NSMCE2: variants seen among roughly 807,000 people sequenced by gnomAD.
NSMCE2 encodes the protein E3 SUMO-protein ligase NSE2.
NSMCE2 carries 24 observed loss-of-function variants against 23.8 expected under a neutral mutation model. That is an observed-to-expected ratio of 1.01 (90% CI 0.73 to 1.42). The LOEUF (loss-of-function observed/expected upper bound fraction) is 1.42. Among genes scored for constraint, NSMCE2 ranks in the 40% most tolerant of loss-of-function variants. NSMCE2 has a pLI of 0.00. For synonymous variants in NSMCE2, 92 were observed against 94.1 expected, an observed-to-expected ratio of 0.98 and a Z score of 0.13; for missense variants, 284 against 296.5, an observed-to-expected ratio of 0.96 and a Z score of 0.31.
intron 5 of NSMCE2, among the ~76,000 whole-genome samples, chr8:125,312,640 C>T (rs1224752324): frequency 1.2e-4 from 18 of 152,074 alleles, no homozygotes; most frequent in Non-Finnish European, 2.1e-4. Flanking sequence ...AGTAAATAAA[C>T]AAATAAATAA....
chr8:125,107,744 T>C (rs1414102265), intron 3 of NSMCE2, among the ~76,000 whole-genome samples: 1 of 152,090 alleles, frequency 6.6e-6, no homozygotes, highest in East Asian at 1.9e-4. Context: ...AAAATTATGA[T>C]GTAAATAAGC....
At chr8:125,321,377 G>A (rs948459709) in intron 5 of NSMCE2, among the ~76,000 whole-genome samples, 5 of 152,154 alleles carry the variant, frequency 3.3e-5, no homozygotes, top group African/African-American at 1.2e-4. Flanking sequence ...AGGCTAGCAG[G>A]GAGAAATGGA....
At chr8:125,361,424 A>G (rs1813549479) in intron 7 of NSMCE2, among the ~76,000 whole-genome samples, 1 of 152,186 alleles carries the variant, frequency 6.6e-6, no homozygotes. Flanking sequence ...TAAAAGTCAT[A>G]TTTAAGAGCA....
At chr8:125,260,189 T>C (rs1417538752) in intron 5 of NSMCE2, among the ~76,000 whole-genome samples, 1 of 152,210 alleles carries the variant, frequency 6.6e-6, no homozygotes, top group Non-Finnish European at 1.5e-5. Context: ...TGGGAGGACA[T>C]ATCTCTGATG....
intron 1 of NSMCE2, among the ~76,000 whole-genome samples, chr8:125,093,971 T>G (rs1316674475): frequency 7.3e-6 from 1 of 137,564 alleles, no homozygotes; most frequent in Non-Finnish European, 1.6e-5. Flanking sequence ...TAAGTTTAAA[T>G]TTTTTTTTTT....
At chr8:125,253,387 G>A (rs900293656) in intron 5 of NSMCE2, among the ~76,000 whole-genome samples, 5 of 152,216 alleles carry the variant, frequency 3.3e-5, no homozygotes, top group Admixed American at 1.3e-4. Flanking sequence ...CTTTCTTTTC[G>A]CCCTGAGCAA....
At chr8:125,123,963 A>C (rs1819390193) in intron 3 of NSMCE2, among the ~76,000 whole-genome samples, 1 of 152,156 alleles carries the variant, frequency 6.6e-6, no homozygotes, top group Non-Finnish European at 1.5e-5. Context: ...ATATTCAGAG[A>C]TATATAACCA....
chr8:125,116,629 T>TAA (rs1819017506), intron 3 of NSMCE2, among the ~76,000 whole-genome samples: 1 of 152,142 alleles, frequency 6.6e-6, no homozygotes, highest in Non-Finnish European at 1.5e-5. Context: ...AAGGACAAAA[T>TAA]AAAAACTAAT....
At chr8:125,257,307 A>T (rs1056107765) in intron 5 of NSMCE2, among the ~76,000 whole-genome samples, 1 of 151,606 alleles carries the variant, frequency 6.6e-6, no homozygotes, top group African/African-American at 2.4e-5. Context: ...AAAAAAAGAC[A>T]TTTAAAGGAA....
At chr8:125,189,728 A>G (rs1823261109) in intron 5 of NSMCE2, among the ~76,000 whole-genome samples, 1 of 152,260 alleles carries the variant, frequency 6.6e-6, no homozygotes, top group Non-Finnish European at 1.5e-5. Flanking sequence ...ATCAGTAGAA[A>G]AGGTTAAAAA....
At chr8:125,206,008 TG>T (rs1442218369) in intron 5 of NSMCE2, among the ~76,000 whole-genome samples, 2 of 152,258 alleles carry the variant, frequency 1.3e-5, no homozygotes, top group Non-Finnish European at 2.9e-5. Flanking sequence ...CAGAGATTTC[TG>T]TGTGATGTTC....
intron 1 of NSMCE2, among the ~76,000 whole-genome samples, chr8:125,098,635 G>C (rs1268220456): frequency 6.6e-6 from 1 of 152,114 alleles, no homozygotes; most frequent in Non-Finnish European, 1.5e-5. Context: ...TCTGGAGATA[G>C]TTTGACTACA....
chr8:125,207,509 G>A (rs1386303365), intron 5 of NSMCE2, among the ~76,000 whole-genome samples: 1 of 151,720 alleles, frequency 6.6e-6, no homozygotes, highest in East Asian at 1.9e-4. Context: ...TTCAGTGGCT[G>A]TAGTTCAAAA....
chr8:125,231,912 A>C (rs1437674917), intron 5 of NSMCE2, among the ~76,000 whole-genome samples: 3 of 152,220 alleles, frequency 2.0e-5, no homozygotes, highest in Admixed American at 1.3e-4. Context: ...GGTACATGGT[A>C]GTATTCAGTA....
chr8:125,162,958 A>C (rs1331560932), intron 4 of NSMCE2, among the ~76,000 whole-genome samples: 2 of 152,340 alleles, frequency 1.3e-5, no homozygotes, highest in African/African-American at 4.8e-5. Context: ...CTCATATAAC[A>C]GTTCAACAAG....
At chr8:125,097,015 T>C (rs1478393912) in intron 1 of NSMCE2, among the ~76,000 whole-genome samples, 1 of 152,200 alleles carries the variant, frequency 6.6e-6, no homozygotes. Flanking sequence ...TGAATTTATG[T>C]TTTTCCATCT....
intron 5 of NSMCE2, among the ~76,000 whole-genome samples, chr8:125,314,272 TTTTTGTTTTG>T (rs1274756256): frequency 5.3e-5 from 8 of 151,264 alleles, no homozygotes; most frequent in African/African-American, 1.7e-4. Context: ...TTGTGTTTTG[TTTTTGTTTTG>T]TTTTGTTTTG....
intron 3 of NSMCE2, among the ~76,000 whole-genome samples, chr8:125,116,518 T>C (rs970685567): frequency 1.3e-5 from 2 of 152,204 alleles, no homozygotes; most frequent in African/African-American, 4.8e-5. Context: ...CAGAAACTCA[T>C]CCTATTATGG....
intron 5 of NSMCE2, among the ~76,000 whole-genome samples, chr8:125,186,748 A>G (rs1253238063): frequency 1.3e-5 from 2 of 152,190 alleles, no homozygotes; most frequent in African/African-American, 4.8e-5. Flanking sequence ...CAGCCCCAGT[A>G]GGAAAGAATG....
Sources: gnomAD v4.1 joint callset for allele counts (sites outside exome capture counted in the v4.1 genomes callset) on GRCh38, gnomAD v4.1.1 for gene constraint, MANE v1.5 for transcripts, NCBI Gene and HGNC (gene_info 2026-07-23, HGNC 2026-07-21) for gene names.